Variants in CSMD1 observed in about 807,000 individuals in gnomAD.
CSMD1 encodes CUB and Sushi multiple domains 1, also known as CUB and sushi domain-containing protein 1.
Under a neutral mutation model 417.5 loss-of-function variants are expected in CSMD1, and 213 were observed. That is an observed-to-expected ratio of 0.51 (90% confidence interval 0.46 to 0.57). The LOEUF (loss-of-function observed/expected upper bound fraction) is 0.57. Ranked by LOEUF, CSMD1 falls within the 20% of genes least tolerant of loss-of-function variation. The pLI is 0.00. For synonymous variants in CSMD1, 2,862 were observed against 1,736.8 expected (o/e 1.65, Z -16.11); for missense variants, 6,923 against 4,529.7 (o/e 1.53, Z -15.17).
rs188932249 is a variant in CSMD1 at position 3,758,202 on chromosome 8, G to T, written c.819-4160C>A. Among the ~76,000 whole-genome samples the T allele has an allele frequency of 3.9e-5, 6 of 152,260 alleles. No individual in the cohort carries two copies. In the East Asian group the frequency reaches 9.7e-4, roughly 25 times the overall value. On this transcript the variant is annotated intron_variant, in intron 5 of 69. Coordinates refer to ENST00000635120, the MANE Select transcript of CSMD1 (RefSeq NM_033225.6). ...TGGTCTCAAACTCCTGACCTCAGGT[G>T]ATCCAACCCCATCATCTTCCCAGAG...
At chr8:3,993,893 T>C (rs17330443) in intron 5 of CSMD1, among the ~76,000 whole-genome samples, 1 of 152,114 alleles carries the variant, frequency 6.6e-6, no homozygotes, top group Non-Finnish European at 1.5e-5. Context: ...AGATAGGCAG[T>C]GGGCGATTTC....
intron 12 of CSMD1, among the ~76,000 whole-genome samples, chr8:3,459,526 A>C (rs886142266): frequency 2.0e-5 from 3 of 152,188 alleles, no homozygotes; most frequent in African/African-American, 7.2e-5. Flanking sequence ...ATGAGAGCAG[A>C]GAACATGATA....
At position 4,266,579 on chromosome 8, in the gene CSMD1, C is replaced by G. The variant is rs1320634099; in HGVS notation, c.415+153374G>C. Among the ~76,000 whole-genome samples, 12 of 104,950 alleles carry G rather than the reference C, an allele frequency of 1.1e-4. 5 individuals are homozygous for G. Among genetic ancestry groups the G allele is most frequent in the South Asian group, 1.1e-3 (3 of 2,718 alleles). The allele number at this position is 104,950 out of a possible 152,430, so 68.9% of individuals were successfully genotyped here. On this transcript the variant is annotated intron_variant, in intron 3 of 69. Coordinates refer to ENST00000635120, the MANE Select transcript of CSMD1 (RefSeq NM_033225.6). ...TCAGAAAAACAATTTTAAACAAGTACACCATACAGGTATGTCCCCACTAAT... is the reference window on the plus strand; with the variant it reads ...TCAGAAAAACAATTTTAAACAAGTAGACCATACAGGTATGTCCCCACTAAT...
chr8:3,770,422 G>A (rs146673226), intron 5 of CSMD1, among the ~76,000 whole-genome samples: 3,465 of 152,152 alleles, frequency 0.023, 129 homozygotes, highest in African/African-American at 0.078. Flanking sequence ...CCAGCTACTC[G>A]AGAGGCTGAG....
chr8:4,104,123 G>C (rs1279055754), intron 3 of CSMD1, among the ~76,000 whole-genome samples: 2 of 152,250 alleles, frequency 1.3e-5, no homozygotes, highest in Admixed American at 6.5e-5. Context: ...CAGAAGCAGA[G>C]TGTTGATTCA....
chr8:4,589,652 G>A (rs188320960), intron 2 of CSMD1, among the ~76,000 whole-genome samples: 2 of 152,118 alleles, frequency 1.3e-5, no homozygotes, highest in African/African-American at 4.8e-5. Context: ...AAGTGTGTTT[G>A]CACTGTGAAG....
At chr8:3,997,186 C>T (rs778088026) in intron 5 of CSMD1, among the ~76,000 whole-genome samples, 13 of 152,148 alleles carry the variant, frequency 8.5e-5, no homozygotes, top group Non-Finnish European at 1.3e-4. Flanking sequence ...TGACTTAATT[C>T]AAGATAGAAA....
At chr8:3,846,693 T>C (rs1209350039) in intron 5 of CSMD1, among the ~76,000 whole-genome samples, 1 of 152,226 alleles carries the variant, frequency 6.6e-6, no homozygotes, top group African/African-American at 2.4e-5. Flanking sequence ...AGTTTCTCTC[T>C]GTCGCCCAGG....
chr8:3,972,976 G>T (rs1463714654), intron 5 of CSMD1, among the ~76,000 whole-genome samples: 1 of 152,116 alleles, frequency 6.6e-6, no homozygotes, highest in Non-Finnish European at 1.5e-5. Context: ...ATACTTATGT[G>T]GAAAAACATT....
At position 3,565,131 on chromosome 8, in the gene CSMD1, C is replaced by CAAAAAAAAAA. The variant is rs869248314; in HGVS notation, c.1344+9804_1344+9813dup. ...TACTTAACTCTGTAGTGCAAGACAGCAAAAAAAAAAAAAAAAAAAAAAAAA... is the reference window on the plus strand; with the variant it reads ...TACTTAACTCTGTAGTGCAAGACAGCAAAAAAAAAAAAAAAAAAAAAAAAAAAAAAAAAAA... On this transcript the variant is annotated intron_variant, in intron 10 of 69. Transcript: ENST00000635120. Among the ~76,000 whole-genome samples the CAAAAAAAAAA allele has an allele frequency of 5.3e-3, 55 of 10,438 alleles. 7 individuals carry two copies. The highest frequency in any genetic ancestry group is 0.019 in the Admixed American group (7 of 368). The allele number at this position is 10,438 out of a possible 152,430, so 6.8% of individuals were successfully genotyped here. A position where few individuals can be genotyped will look rare whatever the true frequency, so the allele number is the denominator to read the frequency against.
At chr8:3,087,692 A>C (rs1009672523) in intron 48 of CSMD1, among the ~76,000 whole-genome samples, 2 of 152,242 alleles carry the variant, frequency 1.3e-5, no homozygotes, top group African/African-American at 4.8e-5. Context: ...GAAAGTTTAC[A>C]AATCTGTGTT....
At chr8:3,542,647 G>A (rs1230581062) in intron 10 of CSMD1, among the ~76,000 whole-genome samples, 1 of 152,144 alleles carries the variant, frequency 6.6e-6, no homozygotes, top group African/African-American at 2.4e-5. Context: ...AGGTAACACA[G>A]GACAGTTCAG....
At chr8:4,653,309 G>T (rs951583809) in intron 1 of CSMD1, among the ~76,000 whole-genome samples, 1 of 152,190 alleles carries the variant, frequency 6.6e-6, no homozygotes, top group Non-Finnish European at 1.5e-5. Flanking sequence ...CGATCACTAG[G>T]CGCAACCACA....
chr8:3,677,529 G>A (rs971730001), intron 7 of CSMD1, among the ~76,000 whole-genome samples: 1 of 152,170 alleles, frequency 6.6e-6, no homozygotes, highest in Admixed American at 6.6e-5. Flanking sequence ...TGTCCCCAGG[G>A]TGGCTGGGCT....
chr8:4,751,237 T>C (rs1476165217), intron 1 of CSMD1, among the ~76,000 whole-genome samples: 2 of 152,060 alleles, frequency 1.3e-5, no homozygotes, highest in Non-Finnish European at 2.9e-5. Flanking sequence ...ATACACAAAT[T>C]AGGCAGACAT....
chr8:3,657,513 C>T (rs562689559), intron 7 of CSMD1, among the ~76,000 whole-genome samples: 2 of 152,128 alleles, frequency 1.3e-5, no homozygotes, highest in Non-Finnish European at 2.9e-5. Flanking sequence ...TACTATGCAG[C>T]CATAAAAAAG....
intron 1 of CSMD1, among the ~76,000 whole-genome samples, chr8:4,905,470 C>G (rs978278357): frequency 4.6e-5 from 7 of 152,060 alleles, no homozygotes; most frequent in African/African-American, 1.4e-4. Context: ...TTTAGGCATT[C>G]TAAAACAGGA....
intron 12 of CSMD1, among the ~76,000 whole-genome samples, chr8:3,455,090 T>C (rs1469164462): frequency 2.0e-5 from 3 of 152,202 alleles, no homozygotes; most frequent in Non-Finnish European, 4.4e-5. Flanking sequence ...ACCCTTTCTT[T>C]CTATCGATCG....
intron 3 of CSMD1, among the ~76,000 whole-genome samples, chr8:4,054,983 C>A (rs1798616634): frequency 6.6e-6 from 1 of 152,148 alleles, no homozygotes; most frequent in Non-Finnish European, 1.5e-5. Context: ...CTTTTAACAG[C>A]ATACAAAGAA....
Sources: allele counts gnomAD v4.1 joint callset (sites outside exome capture counted in the v4.1 genomes callset), GRCh38; gene constraint gnomAD v4.1.1; transcripts MANE v1.5; gene names NCBI Gene and HGNC (gene_info 2026-07-23, HGNC 2026-07-21).